Variants in ADGRD1 observed in about 807,000 individuals in gnomAD.
ADGRD1 encodes G-protein coupled receptor 133.
In ADGRD1, 77 loss-of-function variants were observed where a neutral mutation model predicts 113.4. The ratio of observed to expected loss-of-function variants is 0.68; its 90% CI spans 0.57 to 0.82. The LOEUF (loss-of-function observed/expected upper bound fraction) is 0.82. Among genes scored for constraint, ADGRD1 ranks in the 40% least tolerant of loss-of-function variants. The pLI, the probability that ADGRD1 is intolerant of heterozygous loss-of-function variation, is 0.00. For synonymous variants in ADGRD1, 474 were observed against 475.0 expected (o/e 1.00, Z 0.03); for missense variants, 1,036 against 1,139.1 (o/e 0.91, Z 1.30).
chr12:131,099,450 A>G (rs1950018527), intron 15 of ADGRD1, among the ~76,000 whole-genome samples: 1 of 152,216 alleles, frequency 6.6e-6, no homozygotes, highest in Non-Finnish European at 1.5e-5. Context: ...AAGAGAAGGC[A>G]GTGAGCCACT....
chr12:130,963,448 T>A (rs1870644777), intron 2 of ADGRD1, among the ~76,000 whole-genome samples: 1 of 152,130 alleles, frequency 6.6e-6, no homozygotes. Flanking sequence ...AAAACAGCAG[T>A]ATTGGTTTCT....
chr12:131,139,487 A>T lies in ADGRD1; in HGVS notation c.*224A>T. 1.9e-6 allele frequency: 1 copy of T among 522,024 alleles called. No individual in the cohort carries two copies. Among genetic ancestry groups the T allele is most frequent in the South Asian group, 2.2e-5 (1 of 44,906 alleles). 32.3% of individuals were successfully genotyped at this position (522,024 alleles called of 1,614,324 possible). ...GCGTGGGCCCTCCTGCCTTGCATCC[A>T]CCCGTGGGCTGAGTGACTTCCTCGG... On this transcript the variant is annotated 3_prime_UTR_variant, in exon 25 of 25. Coordinates refer to ENST00000261654, the MANE Select transcript of ADGRD1 (RefSeq NM_198827.5).
At position 131,141,344 on chromosome 12, in the gene ADGRD1, ATT is replaced by A. The variant is rs1385998322; in HGVS notation, c.*2083_*2084del. The A allele has an allele frequency of 1.3e-5, 2 of 152,192 alleles. No individual in the cohort carries two copies. The highest frequency in any genetic ancestry group is 2.9e-5 in the Non-Finnish European group (2 of 68,030). 9.4% of individuals were successfully genotyped at this position (152,192 alleles called of 1,614,324 possible). On this transcript the variant is annotated 3_prime_UTR_variant, in exon 25 of 25. Transcript: ENST00000261654. The stretch of plus-strand genomic sequence containing the variant: ...GCAGTACTTTTATTATCTATACATA[ATT>A]TGGCCAAAAATAAGAAATTGGAAAG...
intron 12 of ADGRD1, among the ~76,000 whole-genome samples, chr12:131,012,898 G>A (rs936298533): frequency 2.0e-5 from 3 of 152,310 alleles, no homozygotes; most frequent in South Asian, 2.1e-4. Context: ...CTGGGTGACC[G>A]CGGGGGGCCC....
intron 2 of ADGRD1, among the ~76,000 whole-genome samples, chr12:130,959,513 G>T (rs1870097640): frequency 6.6e-6 from 1 of 152,232 alleles, no homozygotes; most frequent in African/African-American, 2.4e-5. Context: ...TAAGGCTGCA[G>T]TGAACCGTGA....
intron 13 of ADGRD1, among the ~76,000 whole-genome samples, chr12:131,048,906 A>G (rs11061306): frequency 1.1e-4 from 17 of 152,082 alleles, no homozygotes; most frequent in African/African-American, 4.1e-4. Flanking sequence ...TAGCTTCCTG[A>G]CACTCAGGGC....
At chr12:131,105,579 G>A (rs553742509) in intron 16 of ADGRD1, among the ~76,000 whole-genome samples, 175 bp from the exon 17 acceptor site, 1 of 152,150 alleles carries the variant, frequency 6.6e-6, no homozygotes, top group African/African-American at 2.4e-5. Flanking sequence ...GGAAGGAGCT[G>A]GGGTCAGATC....
intron 3 of ADGRD1, chr12:130,968,244 T>A (rs576030916): frequency 6.6e-6 from 1 of 152,436 alleles, no homozygotes; most frequent in Admixed American, 6.5e-5. Flanking sequence ...ACAGATACAG[T>A]TACACACTGT....
chr12:131,120,865 G>T lies in ADGRD1; in HGVS notation c.2127G>T (p.Ala709=). Residue 709 remains alanine (A), a synonymous_variant, in exon 20 of 25, where the codon GCG becomes GCT. Coordinates refer to ENST00000261654, the MANE Select transcript of ADGRD1 (RefSeq NM_198827.5). The part of the protein sequence containing the change: ...GTSNNCWLSL[A]SGAIWAFVAP... ...TCCGCAGTTGCTGGCTGTCGTTGGC[G>T]AGTGGCGCCATCTGGGCCTTTGTAG... The T allele has an allele frequency of 1.9e-6, 3 of 1,614,240 alleles. No individual in the cohort carries two copies. Among genetic ancestry groups the T allele is most frequent in the Non-Finnish European group, 2.5e-6 (3 of 1,180,038 alleles).
intron 4 of ADGRD1, chr12:130,978,817 T>A (rs942373535): frequency 6.6e-6 from 1 of 152,210 alleles, no homozygotes; most frequent in South Asian, 2.1e-4. Context: ...TTGGAAAAAA[T>A]TAACTTCCAT....
rs1483200041 is a variant in ADGRD1, at chr12:131,027,385, A to G, written c.1473+13045A>G. On this transcript the variant is annotated intron_variant, in intron 13 of 24. Coordinates refer to ENST00000261654, the MANE Select transcript of ADGRD1 (RefSeq NM_198827.5). This position sits in a 1 kb window ranked among gnomAD's most constrained non-coding sequence, Gnocchi z 5.1. ...CGCAGCTTCAGTTTTTAAATTTACC[A>G]TGTCTATATTTCCGTGCCAGTAGCT... The G allele has an allele frequency of 1.3e-5, 2 of 152,042 alleles. No homozygotes were observed. The highest frequency in any genetic ancestry group is 2.4e-5 in the African/African-American group (1 of 41,382). The allele number at this position is 152,042 out of a possible 1,614,324, so 9.4% of individuals were successfully genotyped here. A position where few individuals can be genotyped will look rare whatever the true frequency, so the allele number is the denominator to read the frequency against.
intron 15 of ADGRD1, among the ~76,000 whole-genome samples, chr12:131,098,870 T>C (rs1305400611): frequency 6.6e-6 from 1 of 152,264 alleles, no homozygotes; most frequent in Non-Finnish European, 1.5e-5. Flanking sequence ...TGCTTGCTGC[T>C]GTAGCAGGGG....
chr12:130,983,061 C>T (rs1419061361), intron 5 of ADGRD1, among the ~76,000 whole-genome samples: 2 of 152,198 alleles, frequency 1.3e-5, no homozygotes, highest in African/African-American at 2.4e-5. Context: ...TGGACCCAAA[C>T]AGGCTGGATC....
At chr12:131,105,662 A>C in intron 16 of ADGRD1, 92 bp from the exon 17 acceptor site, 2 of 864,660 alleles carry the variant, frequency 2.3e-6, no homozygotes, top group Non-Finnish European at 3.7e-6. Context: ...TCTTGGAGGA[A>C]TGGATATAGG....
rs192010584 is a variant in ADGRD1, at chr12:131,079,103, G to A, written c.1547+2229G>A. ...GAGTGTGCATAGATGGAATCATGGC[G>A]CAGGAAGCCTTTTGGAGTCTAGCCT... is the stretch of plus-strand genomic sequence containing the variant. On this transcript the variant is annotated intron_variant, in intron 14 of 24. Transcript: ENST00000261654. Among the ~76,000 whole-genome samples, 205 of 152,276 alleles carry A rather than the reference G, an allele frequency of 1.3e-3. 1 individual carries two copies. The highest frequency in any genetic ancestry group is 4.7e-3 in the African/African-American group (196 of 41,538).
Position 131,021,549 on chromosome 12 carries a change from A to G in ADGRD1, c.1473+7209A>G, listed in dbSNP as rs1404988315. Among the ~76,000 whole-genome samples the G allele has an allele frequency of 3.3e-5, 5 of 152,222 alleles. No homozygotes were observed. The East Asian group carries it at 7.7e-4, about 24-fold the overall frequency. ...GAGTCGGCCTGTGGGCTACCAAGCG[A>G]GAGACATTTATTTTCTTGTTGTTCT... On this transcript the variant is annotated intron_variant, in intron 13 of 24. Coordinates refer to ENST00000261654, the MANE Select transcript of ADGRD1 (RefSeq NM_198827.5).
intron 15 of ADGRD1, among the ~76,000 whole-genome samples, chr12:131,090,989 T>C (rs946455655): frequency 7.2e-5 from 11 of 152,278 alleles, no homozygotes; most frequent in Admixed American, 7.2e-4. Context: ...TTCTAACTTC[T>C]CCTGCTGAGT....
At chr12:131,103,597 C>T (rs1593220205) in intron 15 of ADGRD1, among the ~76,000 whole-genome samples, 1 of 152,380 alleles carries the variant, frequency 6.6e-6, no homozygotes. Flanking sequence ...TGAGCTGGGG[C>T]CCCCTGGGCC....
At chr12:131,079,211 G>A (rs1885879852) in intron 14 of ADGRD1, among the ~76,000 whole-genome samples, 1 of 152,194 alleles carries the variant, frequency 6.6e-6, no homozygotes, top group Admixed American at 6.5e-5. Context: ...TTTCACTGCT[G>A]AGGGGGTATT....
Sources: allele counts gnomAD v4.1 joint callset (sites outside exome capture counted in the v4.1 genomes callset), GRCh38; gene constraint gnomAD v4.1.1; non-coding constraint Gnocchi (gnomAD v3.1); transcripts MANE v1.5; gene names NCBI Gene and HGNC (gene_info 2026-07-23, HGNC 2026-07-21).